Variants in TAFA5 observed in about 807,000 individuals in gnomAD.
The protein encoded by TAFA5 is TAFA chemokine like family member 5, also known as chemokine-like protein TAFA-5.
Under a neutral mutation model 15.3 loss-of-function variants are expected in TAFA5, and 6 were observed. The observed-to-expected ratio is 0.39, with a 90% CI of 0.21 to 0.77. The LOEUF (loss-of-function observed/expected upper bound fraction) is 0.77. Among genes scored for constraint, TAFA5 ranks in the 30% least tolerant of loss-of-function variants. The pLI, the probability that TAFA5 is intolerant of heterozygous loss-of-function variation, is 0.41. For missense variants in TAFA5, 161 were observed against 193.1 expected (o/e 0.83, Z 0.98); for synonymous variants, 103 against 80.7 (o/e 1.28, Z -1.48).
In TAFA5 at chr22:48,513,203, C is replaced by T. The variant is rs145216229; in HGVS notation, c.112+23499C>T. ...CCACCCTACACCGTCTACAGGAAGTCCTCACTCCGCATTGGTGATAAGAGC... is the reference window on the plus strand; with the variant it reads ...CCACCCTACACCGTCTACAGGAAGTTCTCACTCCGCATTGGTGATAAGAGC... On this transcript the variant is annotated intron_variant, in intron 1 of 3. Transcript: ENST00000402357. Among the ~76,000 whole-genome samples, 1,184 of 152,336 alleles carry T rather than the reference C, an allele frequency of 7.8e-3. 4 individuals are homozygous for T. Among genetic ancestry groups the T allele is most frequent in the Admixed American group, 0.014 (214 of 15,304 alleles).
At position 48,726,287 on chromosome 22, in the gene TAFA5, A is replaced by G. The variant is rs558147383; in HGVS notation, c.390+18443A>G. On this transcript the variant is annotated intron_variant, in intron 3 of 3. Coordinates refer to ENST00000402357, the MANE Select transcript of TAFA5 (RefSeq NM_001082967.3). ...GTTATGCCGAACCCTTACTGTCTTCAGTGCGGATGGCATCAGGTTCAAGAG... is the reference window on the plus strand; with the variant it reads ...GTTATGCCGAACCCTTACTGTCTTCGGTGCGGATGGCATCAGGTTCAAGAG... Among the ~76,000 whole-genome samples the G allele has an allele frequency of 1.3e-5, 2 of 152,390 alleles. 1 individual carries two copies. The highest frequency in any genetic ancestry group is 4.1e-4 in the South Asian group (2 of 4,830).
rs115792593 is a variant in TAFA5 at position 48,536,320 on chromosome 22, T to A, written c.112+46616T>A. On this transcript the variant is annotated intron_variant, in intron 1 of 3. Transcript: ENST00000402357. The stretch of plus-strand genomic sequence containing the variant: ...AGAATTGTCTATCAGAGGGCTTTCC[T>A]CTCGGCAAGCCGGGAAACAAGTGGA... Among the ~76,000 whole-genome samples the A allele has an allele frequency of 8.2e-3, 1,245 of 152,304 alleles. 23 individuals are homozygous for A. Among genetic ancestry groups the A allele is most frequent in the African/African-American group, 0.028 (1,156 of 41,562 alleles).
intron 1 of TAFA5, among the ~76,000 whole-genome samples, chr22:48,633,443 GC>G (rs1926305268): frequency 6.6e-6 from 1 of 152,050 alleles, no homozygotes; most frequent in Non-Finnish European, 1.5e-5. Context: ...ACGTGCAGGG[GC>G]TCTTCTCTCT....
chr22:48,650,765 C>T (rs1055461311), intron 2 of TAFA5, among the ~76,000 whole-genome samples: 1 of 152,134 alleles, frequency 6.6e-6, no homozygotes. Context: ...CGCACTGTGG[C>T]GCTTTCCATC....
chr22:48,524,291 C>A (rs1921706634), intron 1 of TAFA5, among the ~76,000 whole-genome samples: 1 of 152,168 alleles, frequency 6.6e-6, no homozygotes, highest in Non-Finnish European at 1.5e-5. Flanking sequence ...CTGGGCTGCG[C>A]CTTTGGCGTT....
intron 3 of TAFA5, among the ~76,000 whole-genome samples, chr22:48,733,686 T>G (rs557777505): frequency 1.2e-3 from 179 of 152,202 alleles, no homozygotes; most frequent in African/African-American, 4.1e-3. Flanking sequence ...AATGTTAAAG[T>G]TTTCACAGAC....
chr22:48,730,613 C>T (rs138730176), intron 3 of TAFA5, among the ~76,000 whole-genome samples: 16 of 152,256 alleles, frequency 1.1e-4, no homozygotes, highest in South Asian at 2.1e-4. Context: ...CTCTGTGTCA[C>T]GTTTTAGTAA....
chr22:48,616,018 G>A (rs545779456), intron 1 of TAFA5, among the ~76,000 whole-genome samples: 4 of 152,274 alleles, frequency 2.6e-5, no homozygotes, highest in Admixed American at 6.5e-5. Flanking sequence ...AGCCAGGCAC[G>A]TCCCTACTGG....
At chr22:48,505,694 G>A (rs1172761622) in intron 1 of TAFA5, among the ~76,000 whole-genome samples, 3 of 152,098 alleles carry the variant, frequency 2.0e-5, no homozygotes, top group African/African-American at 7.2e-5. Flanking sequence ...AGCGTCACCC[G>A]AAGCATGCCC....
At chr22:48,647,190 C>G (rs1926898816) in intron 2 of TAFA5, among the ~76,000 whole-genome samples, 1 of 152,176 alleles carries the variant, frequency 6.6e-6, no homozygotes, top group South Asian at 2.1e-4. Flanking sequence ...AAGACACTCT[C>G]ATGCCTAGAC....
At chr22:48,739,143 G>C (rs1930110179) in intron 3 of TAFA5, among the ~76,000 whole-genome samples, 1 of 152,132 alleles carries the variant, frequency 6.6e-6, no homozygotes, top group African/African-American at 2.4e-5. Flanking sequence ...CCCCGCACCA[G>C]GGCCCAGTTT....
At chr22:48,720,564 C>T (rs976711304) in intron 3 of TAFA5, among the ~76,000 whole-genome samples, 1 of 152,120 alleles carries the variant, frequency 6.6e-6, no homozygotes, top group Admixed American at 6.5e-5. Context: ...CACATCCCAC[C>T]GTGCATAGCC....
At chr22:48,602,955 C>T (rs1233466574) in intron 1 of TAFA5, among the ~76,000 whole-genome samples, 2 of 152,278 alleles carry the variant, frequency 1.3e-5, no homozygotes, top group Admixed American at 6.5e-5. Flanking sequence ...ACAGGGACCC[C>T]GCATCCCCTG....
At chr22:48,498,938 C>T (rs1279686737) in intron 1 of TAFA5, among the ~76,000 whole-genome samples, 9 of 152,204 alleles carry the variant, frequency 5.9e-5, no homozygotes, top group African/African-American at 2.2e-4. Flanking sequence ...TCCACTTCTG[C>T]AGCTGGACGG....
intron 3 of TAFA5, among the ~76,000 whole-genome samples, chr22:48,718,758 C>T (rs117004291): frequency 1.3e-5 from 2 of 152,156 alleles, no homozygotes; most frequent in South Asian, 2.1e-4. Flanking sequence ...GTTCCACCCC[C>T]GCCCCCCAAC....
intron 1 of TAFA5, among the ~76,000 whole-genome samples, chr22:48,622,298 G>C (rs1925866909): frequency 6.6e-6 from 1 of 152,194 alleles, no homozygotes; most frequent in African/African-American, 2.4e-5. Flanking sequence ...GGGAGTGGCT[G>C]TTTCACATGG....
At chr22:48,606,739 C>G (rs28372068) in intron 1 of TAFA5, among the ~76,000 whole-genome samples, 2 of 152,098 alleles carry the variant, frequency 1.3e-5, no homozygotes, top group Non-Finnish European at 2.9e-5. Context: ...CCGCGTGTTT[C>G]CCCTGCCTGG....
At chr22:48,597,139 A>G (rs1924793896) in intron 1 of TAFA5, among the ~76,000 whole-genome samples, 1 of 152,204 alleles carries the variant, frequency 6.6e-6, no homozygotes, top group African/African-American at 2.4e-5. Context: ...AATAGCATTC[A>G]TGTAAAGTTA....
chr22:48,604,536 T>TCAA (rs1165118887), intron 1 of TAFA5, among the ~76,000 whole-genome samples: 2 of 152,206 alleles, frequency 1.3e-5, no homozygotes, highest in East Asian at 1.9e-4. Flanking sequence ...CAGGGAGTGC[T>TCAA]CAAGCTTGGG....
Sources: gnomAD v4.1 joint callset for allele counts (sites outside exome capture counted in the v4.1 genomes callset) on GRCh38, gnomAD v4.1.1 for gene constraint, MANE v1.5 for transcripts, NCBI Gene and HGNC (gene_info 2026-07-23, HGNC 2026-07-21) for gene names.